Variants in GATAD2A observed in about 807,000 individuals in gnomAD.
GATAD2A encodes the protein transcriptional repressor p66-alpha.
Under a neutral mutation model 68.5 loss-of-function variants are expected in GATAD2A, and 12 were observed. The ratio of observed to expected loss-of-function variants is 0.18; its 90% confidence interval spans 0.11 to 0.28. The LOEUF is 0.28. Ranked by LOEUF, GATAD2A falls within the 10% of genes least tolerant of loss-of-function variation. The probability of loss-of-function intolerance (pLI) is 1.00; values close to 1 mark genes in which losing one functional copy is unlikely to be tolerated. For missense variants in GATAD2A, 755 were observed against 868.5 expected, an observed-to-expected ratio of 0.87 and a Z score of 1.64; for synonymous variants, 410 against 375.3, an observed-to-expected ratio of 1.09 and a Z score of -1.07.
At chr19:19,397,078 A>G (rs1425779438) in intron 1 of GATAD2A, among the ~76,000 whole-genome samples, 3 of 152,182 alleles carry the variant, frequency 2.0e-5, no homozygotes, top group Non-Finnish European at 4.4e-5. Flanking sequence ...CTGGAGTTGA[A>G]AACAGCCAAG....
intron 1 of GATAD2A, among the ~76,000 whole-genome samples, chr19:19,436,707 AGAGCTGTACCAG>A (rs2054396939): frequency 6.6e-6 from 1 of 152,262 alleles, no homozygotes; most frequent in African/African-American, 2.4e-5. Context: ...GAGACTGTCA[AGAGCTGTACCAG>A]GGCATTGCTG....
intron 1 of GATAD2A, among the ~76,000 whole-genome samples, chr19:19,414,185 T>TAGGG (rs1412325740): frequency 6.6e-6 from 1 of 152,190 alleles, no homozygotes; most frequent in African/African-American, 2.4e-5. Context: ...GTCTTATTGT[T>TAGGG]AGTTTGTATC....
intron 1 of GATAD2A, among the ~76,000 whole-genome samples, chr19:19,447,920 C>T (rs956492081): frequency 3.9e-5 from 6 of 152,246 alleles, no homozygotes; most frequent in Non-Finnish European, 7.3e-5. Flanking sequence ...ACCTCCCTGC[C>T]GTTTCCAGTC....
intron 1 of GATAD2A, among the ~76,000 whole-genome samples, chr19:19,459,748 C>T (rs1160368928): frequency 6.6e-6 from 1 of 152,248 alleles, no homozygotes; most frequent in Admixed American, 6.5e-5. Flanking sequence ...GGTTGATTGA[C>T]AGACCTCTCC....
chr19:19,490,364 C>T (rs1410963178), intron 2 of GATAD2A, among the ~76,000 whole-genome samples: 1 of 152,178 alleles, frequency 6.6e-6, no homozygotes, highest in Non-Finnish European at 1.5e-5. Context: ...CCTGAGGACG[C>T]AGCTCATGGG....
chr19:19,441,042 C>G (rs2147648151), intron 1 of GATAD2A, among the ~76,000 whole-genome samples: 1 of 146,564 alleles, frequency 6.8e-6, no homozygotes, highest in South Asian at 2.2e-4. Flanking sequence ...TTCCTTCTTT[C>G]CTTCCCTTCC....
At chr19:19,483,447 A>G (rs1361893690) in intron 2 of GATAD2A, among the ~76,000 whole-genome samples, 1 of 152,116 alleles carries the variant, frequency 6.6e-6, no homozygotes, top group Non-Finnish European at 1.5e-5. Flanking sequence ...CTTTTCTCTC[A>G]CATCCCAGCC....
At chr19:19,472,221 A>G (rs541109007) in intron 2 of GATAD2A, among the ~76,000 whole-genome samples, 1 of 152,120 alleles carries the variant, frequency 6.6e-6, no homozygotes, top group South Asian at 2.1e-4. Context: ...TTTTTGTGAT[A>G]AGTAGCAGAT....
chr19:19,410,119 C>T (rs1193658895), intron 1 of GATAD2A, among the ~76,000 whole-genome samples: 1 of 152,206 alleles, frequency 6.6e-6, no homozygotes, highest in Non-Finnish European at 1.5e-5. Context: ...CTTTGTCTCT[C>T]CTCAGCCTCC....
At chr19:19,464,867 A>G (rs778569193) in intron 1 of GATAD2A, 2 of 191,652 alleles carry the variant, frequency 1.0e-5, no homozygotes, top group Non-Finnish European at 2.2e-5. Context: ...TCGAGTCACC[A>G]CAGCATAGGG....
At position 19,502,432 on chromosome 19, in the gene GATAD2A, C is replaced by G. The variant is rs756735009; in HGVS notation, c.1680C>G (p.Ala560=). 1 of 1,613,632 alleles carries G rather than the reference C, an allele frequency of 6.2e-7. No homozygotes were observed. Among genetic ancestry groups the G allele is most frequent in the South Asian group, 1.1e-5 (1 of 91,088 alleles). The change falls in exon 11 of 12, where the codon GCC becomes GCG. Residue 560 remains alanine, a synonymous_variant. Transcript: ENST00000683918. ...TGCAGAACTCAGCCTCGGCCACAGC[C>G]CTGGTCAGCAGGACCGGCAGACATT... The part of the protein sequence containing the change: ...PKLQNSASAT[A]LVSRTGRHSE...
intron 1 of GATAD2A, among the ~76,000 whole-genome samples, chr19:19,432,392 C>T (rs1449064253): frequency 1.3e-5 from 2 of 152,210 alleles, no homozygotes; most frequent in African/African-American, 2.4e-5. Context: ...ACCTCTGCCT[C>T]CCAGGTTCAA....
chr19:19,475,489 C>CCA (rs906822898), intron 2 of GATAD2A, among the ~76,000 whole-genome samples: 2 of 43,560 alleles, frequency 4.6e-5, no homozygotes, highest in Non-Finnish European at 9.4e-5. Context: ...GGAGCCCCCC[C>CCA]CCCTCCACTG....
chr19:19,430,976 G>GGGGTGTGTGTGTGTGTGT (rs140794575), intron 1 of GATAD2A, among the ~76,000 whole-genome samples: 1 of 136,694 alleles, frequency 7.3e-6, no homozygotes, highest in African/African-American at 2.8e-5. Context: ...GTATGGTAGG[G>GGGGTGTGTGTGTGTGTGT]GTGTGTGTGT....
chr19:19,465,279 C>A, intron 1 of GATAD2A, 61 bp from the exon 2 acceptor site: 1 of 1,310,422 alleles, frequency 7.6e-7, no homozygotes, highest in Non-Finnish European at 1.1e-6. Context: ...GAAAAGTCTC[C>A]AAGAAGGTGG....
intron 1 of GATAD2A, among the ~76,000 whole-genome samples, chr19:19,452,722 C>T (rs772024599): frequency 1.3e-5 from 2 of 152,072 alleles, no homozygotes; most frequent in African/African-American, 2.4e-5. Context: ...ATGTACCACA[C>T]GCAGACCTTT....
At position 19,448,193 on chromosome 19, in the gene GATAD2A, T is replaced by C. The variant is rs569782370; in HGVS notation, c.-6-17147T>C. Among the ~76,000 whole-genome samples, 8 of 152,366 alleles carry C rather than the reference T, an allele frequency of 5.3e-5. No individual in the cohort carries two copies. The South Asian group carries it at 1.7e-3, about 32-fold the overall frequency. On this transcript the variant is annotated intron_variant, in intron 1 of 11. Transcript: ENST00000683918. Reference sequence around the variant, plus strand: ...AGCCCTCACAGTGACGTCCTACAGCTGGGACTCTGGTCCCCATTTACCTGT... The same window carrying C: ...AGCCCTCACAGTGACGTCCTACAGCCGGGACTCTGGTCCCCATTTACCTGT...
intron 1 of GATAD2A, among the ~76,000 whole-genome samples, chr19:19,437,513 A>G (rs1409158391): frequency 6.6e-6 from 1 of 152,222 alleles, no homozygotes; most frequent in African/African-American, 2.4e-5. Flanking sequence ...AGAGTTCCAC[A>G]ATTACCACCT....
At chr19:19,406,560 C>A (rs570533107) in intron 1 of GATAD2A, among the ~76,000 whole-genome samples, 1 of 152,158 alleles carries the variant, frequency 6.6e-6, no homozygotes, top group Non-Finnish European at 1.5e-5. Context: ...TCCTGCCTAA[C>A]CCCCGGGAGC....
Sources: gnomAD v4.1 joint callset for allele counts (sites outside exome capture counted in the v4.1 genomes callset) on GRCh38, gnomAD v4.1.1 for gene constraint, MANE v1.5 for transcripts, NCBI Gene and HGNC (gene_info 2026-07-23, HGNC 2026-07-21) for gene names.